The following PLPPR1 variants were observed in gnomAD, a reference collection of about 807,000 sequenced individuals.
PLPPR1 encodes the protein phospholipid phosphatase related 1.
PLPPR1 carries 10 observed loss-of-function variants against 33.1 expected under a neutral mutation model. That is an observed-to-expected ratio of 0.30 (90% CI 0.19 to 0.51). The LOEUF (loss-of-function observed/expected upper bound fraction) is 0.51, where lower values mean the gene tolerates loss of function less well. Ranked by LOEUF, PLPPR1 falls within the 20% of genes least tolerant of loss-of-function variation. The pLI, the probability that PLPPR1 is intolerant of heterozygous loss-of-function variation, is 0.97. For synonymous variants in PLPPR1, 151 were observed against 151.0 expected, an observed-to-expected ratio of 1.00 and a Z score of 0.00; for missense variants, 304 against 408.1, an observed-to-expected ratio of 0.74 and a Z score of 2.20.
intron 1 of PLPPR1, among the ~76,000 whole-genome samples, chr9:101,145,059 C>T (rs1388894886): frequency 6.6e-6 from 1 of 152,050 alleles, no homozygotes; most frequent in Non-Finnish European, 1.5e-5. Context: ...ACATAATGTC[C>T]TCCAGTTTCA....
In PLPPR1 at chr9:101,226,869, C is replaced by G. The variant is rs1412383188; in HGVS notation, c.63+41312C>G. Among the ~76,000 whole-genome samples, 3 of 152,104 alleles carry G rather than the reference C, an allele frequency of 2.0e-5. No homozygotes were observed. The East Asian group carries it at 5.8e-4, about 29-fold the overall frequency. ...GAAGGAAGGAGCATATTCCTCAAAA[C>G]TAGAAAAGAGGAACAAAATGATTAG... On this transcript the variant is annotated intron_variant, in intron 2 of 7. Transcript: ENST00000374874.
intron 4 of PLPPR1, among the ~76,000 whole-genome samples, chr9:101,295,819 T>G (rs1389260583): frequency 6.6e-6 from 1 of 151,710 alleles, no homozygotes; most frequent in Non-Finnish European, 1.5e-5. Flanking sequence ...GATTAAAGAC[T>G]TAAACGTTAG....
At chr9:101,049,321 A>G (rs1047864565) in intron 1 of PLPPR1, among the ~76,000 whole-genome samples, 4 of 152,254 alleles carry the variant, frequency 2.6e-5, no homozygotes, top group African/African-American at 9.6e-5. Context: ...AAATCTGGAA[A>G]AATATCTAAA....
At chr9:101,226,675 C>T (rs989234305) in intron 2 of PLPPR1, among the ~76,000 whole-genome samples, 26 of 152,206 alleles carry the variant, frequency 1.7e-4, no homozygotes, top group Middle Eastern at 3.4e-3. Flanking sequence ...ACCTAATCAC[C>T]TCCCAAAGAT....
intron 5 of PLPPR1, among the ~76,000 whole-genome samples, chr9:101,311,939 G>A (rs1292690001): frequency 1.3e-5 from 2 of 152,130 alleles, no homozygotes; most frequent in African/African-American, 4.8e-5. Context: ...AAAAGGCATG[G>A]CTTCCTAACT....
At chr9:101,221,019 T>C (rs1826921973) in intron 2 of PLPPR1, among the ~76,000 whole-genome samples, 1 of 152,238 alleles carries the variant, frequency 6.6e-6, no homozygotes, top group African/African-American at 2.4e-5. Context: ...TTAACATGAC[T>C]CCTACAGTTG....
rs1827781905 is a variant in PLPPR1 at position 101,255,383 on chromosome 9, C to A, written c.64-14497C>A. On this transcript the variant is annotated intron_variant, in intron 2 of 7. Coordinates refer to ENST00000374874, the MANE Select transcript of PLPPR1 (RefSeq NM_207299.2). ...ATTGGATTGTTCCCTCTAGAAATTG[C>A]TTATTCATAACTTTGCCCATGTAAA... Among the ~76,000 whole-genome samples, 3 of 152,270 alleles carry A rather than the reference C, an allele frequency of 2.0e-5. No homozygotes were observed. In the South Asian group the frequency reaches 6.2e-4, roughly 32 times the overall value.
intron 2 of PLPPR1, among the ~76,000 whole-genome samples, chr9:101,266,404 A>AAAAGAAAG (rs1302413369): frequency 6.7e-5 from 10 of 149,866 alleles, no homozygotes; most frequent in African/African-American, 2.2e-4. Flanking sequence ...TCCAAAAAAA[A>AAAAGAAAG]AAAGAAAGAA....
At chr9:101,065,233 A>G (rs1204794437) in intron 1 of PLPPR1, among the ~76,000 whole-genome samples, 1 of 152,048 alleles carries the variant, frequency 6.6e-6, no homozygotes, top group Admixed American at 6.6e-5. Context: ...AACCTCCTCC[A>G]TGCACAGAAC....
intron 1 of PLPPR1, among the ~76,000 whole-genome samples, chr9:101,144,755 A>G (rs1245893923): frequency 1.3e-5 from 2 of 152,168 alleles, no homozygotes; most frequent in African/African-American, 4.8e-5. Flanking sequence ...GTTGATGTTG[A>G]TGGTCTAGAG....
intron 5 of PLPPR1, among the ~76,000 whole-genome samples, chr9:101,310,642 A>G (rs1828937368): frequency 6.6e-6 from 1 of 152,226 alleles, no homozygotes; most frequent in African/African-American, 2.4e-5. Flanking sequence ...ACCCCAAATG[A>G]TTCTTTAATT....
At chr9:101,089,570 C>A (rs1005576458) in intron 1 of PLPPR1, among the ~76,000 whole-genome samples, 2 of 152,054 alleles carry the variant, frequency 1.3e-5, no homozygotes, top group Non-Finnish European at 2.9e-5. Flanking sequence ...CCTGCTTTTC[C>A]ATGTAAAAAT....
At chr9:101,078,651 C>T (rs1356726758) in intron 1 of PLPPR1, among the ~76,000 whole-genome samples, 1 of 151,934 alleles carries the variant, frequency 6.6e-6, no homozygotes, top group Non-Finnish European at 1.5e-5. Flanking sequence ...TGAGATGGTA[C>T]CACTACACTC....
intron 1 of PLPPR1, among the ~76,000 whole-genome samples, chr9:101,127,462 G>A (rs1465699430): frequency 2.6e-5 from 4 of 152,220 alleles, no homozygotes; most frequent in Non-Finnish European, 5.9e-5. Flanking sequence ...AGAAACAGGT[G>A]GTGAGAATGT....
chr9:101,245,484 T>G lies in PLPPR1; in HGVS notation c.64-24396T>G, dbSNP rs192070830. Among the ~76,000 whole-genome samples, 16 of 152,124 alleles carry G rather than the reference T, an allele frequency of 1.1e-4. No homozygotes were observed. In the East Asian group the frequency reaches 2.7e-3, roughly 26 times the overall value. On this transcript the variant is annotated intron_variant, in intron 2 of 7. Transcript: ENST00000374874. ...AGGGTTGCAACAAGATACAGTAGGC[T>G]AAGATTAGAGCTGTATATATGAGAA...
intron 7 of PLPPR1, among the ~76,000 whole-genome samples, chr9:101,319,070 G>C (rs1267515775): frequency 7.0e-6 from 1 of 143,500 alleles, no homozygotes; most frequent in African/African-American, 2.7e-5. Context: ...ACTTCCCTTT[G>C]TTCCCTTTGG....
chr9:101,074,160 T>A (rs1317410320), intron 1 of PLPPR1, among the ~76,000 whole-genome samples: 1 of 152,154 alleles, frequency 6.6e-6, no homozygotes, highest in Non-Finnish European at 1.5e-5. Context: ...GAACATGGCA[T>A]CCAGTGTCTT....
At chr9:101,237,758 C>CTA (rs1276450954) in intron 2 of PLPPR1, among the ~76,000 whole-genome samples, 11 of 133,866 alleles carry the variant, frequency 8.2e-5, no homozygotes, top group African/African-American at 2.8e-4. Context: ...TACATATAGG[C>CTA]TATATATATA....
At chr9:101,099,741 G>A (rs1033209170) in intron 1 of PLPPR1, among the ~76,000 whole-genome samples, 1 of 152,110 alleles carries the variant, frequency 6.6e-6, no homozygotes, top group African/African-American at 2.4e-5. Context: ...AGGGATTTGA[G>A]TATCTGTAGA....
Sources: gnomAD v4.1 joint callset for allele counts (sites outside exome capture counted in the v4.1 genomes callset) on GRCh38, gnomAD v4.1.1 for gene constraint, MANE v1.5 for transcripts, NCBI Gene and HGNC (gene_info 2026-07-23, HGNC 2026-07-21) for gene names.